The following FXYD1 variants were observed in gnomAD, a reference collection of about 807,000 sequenced individuals.
The protein encoded by FXYD1 is phospholemman.
In FXYD1, 9 loss-of-function variants were observed where a neutral mutation model predicts 17.2. The observed-to-expected ratio is 0.52, with a 90% CI of 0.32 to 0.91. FXYD1 has a LOEUF of 0.91. Ranked by LOEUF, FXYD1 falls within the 40% of genes least tolerant of loss-of-function variation. FXYD1 has a pLI of 0.04. For missense variants in FXYD1, 113 were observed against 120.6 expected (o/e 0.94, Z 0.29); for synonymous variants, 55 against 45.8 (o/e 1.20, Z -0.81).
Position 35,142,521 on chromosome 19 carries a change from C to G in FXYD1, c.256C>G (p.Arg86Gly). Residue 86 changes from arginine (R) to glycine (G), a missense_variant and splice_region_variant, in exon 6 of 8, where the codon CGT becomes GGT. Arg to Gly is a moderately radical substitution (Grantham distance 125). Coordinates refer to ENST00000351325, the MANE Select transcript of FXYD1 (RefSeq NM_021902.4). ...EEGTFRSSIR[R>G]LSTRRR ...GGGAACTTTCCGCAGCTCCATCCGC[C>G]GTGAGTCTGGGGAGACTGCGGGTAT... The G allele has an allele frequency of 6.2e-7, 1 of 1,613,108 alleles. No homozygotes were observed. Among genetic ancestry groups the G allele is most frequent in the Non-Finnish European group, 8.5e-7 (1 of 1,179,278 alleles).
chr19:35,137,212 C>T (rs559806746), upstream of FXYD1, among the ~76,000 whole-genome samples: 190 of 152,336 alleles, frequency 1.2e-3, no homozygotes, highest in Non-Finnish European at 2.2e-3. Flanking sequence ...GTTCACACAA[C>T]CAGGAGTGCA....
intron 5 of FXYD1, 172 bp from the exon 6 acceptor site, chr19:35,142,300 A>C (rs1600487793): frequency 1.7e-6 from 1 of 593,742 alleles, no homozygotes; most frequent in East Asian, 3.0e-5. Context: ...CCCTGCCAGC[A>C]CATAAGCTGC....
chr19:35,141,254 A>ACCTCTCTCTGGCCCCG, intron 4 of FXYD1, 48 bp downstream of exon 4: 3 of 784,420 alleles, frequency 3.8e-6, no homozygotes, highest in Non-Finnish European at 5.5e-6. Context: ...CCCTGGCCCC[A>ACCTCTCTCTGGCCCCG]CCTCTCTCTG....
intron 6 of FXYD1, 73 bp downstream of exon 6, chr19:35,142,594 G>A (rs568451022): frequency 3.2e-6 from 5 of 1,549,676 alleles, no homozygotes; most frequent in Admixed American, 1.7e-5. Flanking sequence ...GGCCCTCCCT[G>A]GCTGCGTAGA....
chr19:35,142,715 C>T lies in FXYD1; in HGVS notation c.257-5C>T, dbSNP rs976638962. The T allele has an allele frequency of 6.2e-7, 1 of 1,613,752 alleles. No individual in the cohort carries two copies. ...AATGACCCCCGATCTCCGTGTTCCC[C>T]CCAGGTCTGTCCACCCGCAGGCGGT... On this transcript the variant is annotated splice_region_variant and splice_polypyrimidine_tract_variant and intron_variant, in intron 6 of 7. Transcript: ENST00000351325.
At position 35,140,117 on chromosome 19, in the gene FXYD1, G is replaced by A. The variant is rs375402741; in HGVS notation, c.38G>A (p.Gly13Asp). ...GGCCACATCTTGGTTTTCTGTGTGG[G>A]TCTCCTCACCATGGCCAAGGCAGGT... The part of the protein sequence containing the change: ...SLGHILVFCV[G>D]LLTMAKAESP... The change falls in exon 2 of 8, where the codon GGT becomes GAT. Residue 13 changes from glycine (G) to aspartate (D), a missense_variant. By Grantham distance (94) the Gly-to-Asp change is moderately conservative. Coordinates refer to ENST00000351325, the MANE Select transcript of FXYD1 (RefSeq NM_021902.4). The A allele has an allele frequency of 6.2e-7, 1 of 1,601,148 alleles. No individual in the cohort carries two copies. Among genetic ancestry groups the A allele is most frequent in the Admixed American group, 1.7e-5 (1 of 60,006 alleles).
At position 35,142,913 on chromosome 19, in the gene FXYD1, A is replaced by C. The variant is rs934355177; in HGVS notation, c.*30-4A>C. 7.6e-6 allele frequency: 5 copies of C among 661,782 alleles called. No individual in the cohort carries two copies. The African/African-American group carries it at 9.0e-5, about 12-fold the overall frequency. The allele number at this position is 661,782 out of a possible 1,614,324, so 41.0% of individuals were successfully genotyped here. A position where few individuals can be genotyped will look rare whatever the true frequency, so the allele number is the denominator to read the frequency against. ...CTCGCCTCTCACCCTTTTCACCCTC[A>C]CAGGACTCCCCTGGCACCTGACATC... On this transcript the variant is annotated splice_polypyrimidine_tract_variant and splice_region_variant and intron_variant, in intron 7 of 7. Transcript: ENST00000351325.
Position 35,140,184 on chromosome 19 carries a change from G to C in FXYD1, c.61+44G>C, listed in dbSNP as rs545101508. On this transcript the variant is annotated intron_variant, in intron 2 of 7. Transcript: ENST00000351325. ...GCCCGCTACCCACCTCAGCCCCAGG[G>C]GTGGCGGTGGGGACCGAAGAACCAA... The C allele has an allele frequency of 2.2e-5, 25 of 1,138,548 alleles. No individual in the cohort carries two copies. In the South Asian group the frequency reaches 2.8e-4, roughly 13 times the overall value. 70.5% of individuals were successfully genotyped at this position (1,138,548 alleles called of 1,614,324 possible). A position where few individuals can be genotyped will look rare whatever the true frequency, so the allele number is the denominator to read the frequency against.
upstream of FXYD1, chr19:35,138,563 TTGTGTGTGTG>T (rs144398537): frequency 6.6e-6 from 1 of 151,330 alleles, no homozygotes; most frequent in Non-Finnish European, 1.5e-5. Context: ...GCGTGTGTGT[TTGTGTGTGTG>T]TGTGTTCACA....
intron 6 of FXYD1, 86 bp downstream of exon 6, chr19:35,142,607 G>C: frequency 6.5e-7 from 1 of 1,543,330 alleles, no homozygotes; most frequent in Non-Finnish European, 9.0e-7. Flanking sequence ...TGCGTAGAGG[G>C]AAGGGCTGGA....
At chr19:35,142,688 A>G in intron 6 of FXYD1, 32 bp from the exon 7 acceptor site, 1 of 1,612,536 alleles carries the variant, frequency 6.2e-7, no homozygotes, top group East Asian at 2.2e-5. Flanking sequence ...ATGCCTCTCC[A>G]GAATGACCCC....
At chr19:35,141,286 GCCTCTCCCTAGCCCC>G (rs1392566660) in intron 4 of FXYD1, 80 bp downstream of exon 4, 14 of 168,888 alleles carry the variant, frequency 8.3e-5, no homozygotes, top group African/African-American at 6.9e-4. Context: ...CCCTGGCCCC[GCCTCTCCCTAGCCCC>G]CCTCTCCCTG....
In FXYD1 at chr19:35,141,210, A is replaced by T; in HGVS notation, c.169+4A>T. The T allele has an allele frequency of 6.3e-7, 1 of 1,581,620 alleles. No individual in the cohort carries two copies. Among genetic ancestry groups the T allele is most frequent in the Admixed American group, 1.7e-5 (1 of 59,872 alleles). ...CTGGGCATCCTCATCGTGCTGAGTG[A>T]GTGCCCCTAGCTCCCGCCCTCTACC... On this transcript the variant is annotated splice_donor_region_variant and intron_variant, in intron 4 of 7. Coordinates refer to ENST00000351325, the MANE Select transcript of FXYD1 (RefSeq NM_021902.4).
At position 35,142,939 on chromosome 19, in the gene FXYD1, T is replaced by G; in HGVS notation, c.*52T>G. 1.7e-6 allele frequency: 1 copy of G among 602,344 alleles called. No homozygotes were observed. Among genetic ancestry groups the G allele is most frequent in the South Asian group, 1.9e-5 (1 of 51,418 alleles). 37.3% of individuals were successfully genotyped at this position (602,344 alleles called of 1,614,324 possible). ...CAGGACTCCCCTGGCACCTGACATC[T>G]CCCACGCTCCACCTGCGCGCCCACC... On this transcript the variant is annotated 3_prime_UTR_variant, in exon 8 of 8. Transcript: ENST00000351325.
chr19:35,142,929 A>G lies in FXYD1; in HGVS notation c.*42A>G, dbSNP rs2145391093. On this transcript the variant is annotated 3_prime_UTR_variant, in exon 8 of 8. Coordinates refer to ENST00000351325, the MANE Select transcript of FXYD1 (RefSeq NM_021902.4). Reference sequence around the variant, plus strand: ...TTCACCCTCACAGGACTCCCCTGGCACCTGACATCTCCCACGCTCCACCTG... The same window carrying G: ...TTCACCCTCACAGGACTCCCCTGGCGCCTGACATCTCCCACGCTCCACCTG... 1 of 620,974 alleles carries G rather than the reference A, an allele frequency of 1.6e-6. No individual in the cohort carries two copies. Among genetic ancestry groups the G allele is most frequent in the African/African-American group, 1.9e-5 (1 of 53,894 alleles). The allele number at this position is 620,974 out of a possible 1,614,324, so 38.5% of individuals were successfully genotyped here.
intron 5 of FXYD1, 40 bp from the exon 6 acceptor site, chr19:35,142,432 C>T (rs2065265116): frequency 6.5e-7 from 1 of 1,535,986 alleles, no homozygotes; most frequent in Non-Finnish European, 8.9e-7. Flanking sequence ...CAGCCTCTCC[C>T]CCTTTCCATC....
At chr19:35,142,326 A>C in intron 5 of FXYD1, 146 bp from the exon 6 acceptor site, 1 of 659,850 alleles carries the variant, frequency 1.5e-6, no homozygotes, top group Non-Finnish European at 2.7e-6. Flanking sequence ...GGTGCTCCTC[A>C]TTTCTGGCGG....
intron 1 of FXYD1, chr19:35,139,801 G>A (rs1346512348): frequency 2.6e-6 from 1 of 389,944 alleles, no homozygotes; most frequent in Non-Finnish European, 4.8e-6. Flanking sequence ...GCTGCGGGAG[G>A]TGGAGGCCCA....
In FXYD1 at chr19:35,142,486, A is replaced by G. The variant is rs2065265782; in HGVS notation, c.221A>G (p.Asp74Gly). 6.2e-7 allele frequency: 1 copy of G among 1,612,552 alleles called. No homozygotes were observed. The highest frequency in any genetic ancestry group is 1.3e-5 in the African/African-American group (1 of 74,842). The change falls in exon 6 of 8, where the codon GAT becomes GGT. Residue 74 changes from aspartate (D) to glycine (G), a missense_variant. By Grantham distance (94) the Asp-to-Gly change is moderately conservative (BLOSUM62 -1). Transcript: ENST00000351325. ...TGTCTTCCCAGGACTGGGGAACCCG[A>G]TGAAGAGGAGGGAACTTTCCGCAGC... ...FNQQQRTGEP[D>G]EEEGTFRSSI...
Sources: gnomAD v4.1 joint callset for allele counts (sites outside exome capture counted in the v4.1 genomes callset) on GRCh38, gnomAD v4.1.1 for gene constraint, MANE v1.5 for transcripts, NCBI Gene and HGNC (gene_info 2026-07-23, HGNC 2026-07-21) for gene names.